The following SNX7 variants were observed in gnomAD, a reference collection of about 807,000 sequenced individuals.
The protein encoded by SNX7 is sorting nexin 7.
Under a neutral mutation model 48.4 loss-of-function variants are expected in SNX7, and 35 were observed. That is an observed-to-expected ratio of 0.72 (90% CI 0.55 to 0.96). The LOEUF (loss-of-function observed/expected upper bound fraction) is 0.96. SNX7 is among the 40% of genes least tolerant of loss of function. The pLI, the probability that SNX7 is intolerant of heterozygous loss-of-function variation, is 0.00. For missense variants in SNX7, 553 were observed against 548.9 expected (o/e 1.01, Z -0.07); for synonymous variants, 190 against 190.2 (o/e 1.00, Z 0.01).
chr1:98,702,479 GTC>G (rs2100977118), intron 7 of SNX7, among the ~76,000 whole-genome samples: 1 of 151,914 alleles, frequency 6.6e-6, no homozygotes, highest in East Asian at 1.9e-4. Flanking sequence ...TTTTTTTATT[GTC>G]TCTCCTCATT....
intron 7 of SNX7, among the ~76,000 whole-genome samples, chr1:98,712,445 A>G (rs1442694118): frequency 6.6e-6 from 1 of 152,230 alleles, no homozygotes; most frequent in East Asian, 1.9e-4. Flanking sequence ...CATTTCCGTC[A>G]GAGTTTTTCA....
chr1:98,678,438 G>T (rs1650294080), intron 1 of SNX7, among the ~76,000 whole-genome samples: 2 of 152,106 alleles, frequency 1.3e-5, no homozygotes, highest in South Asian at 4.1e-4. Context: ...AACTATATCA[G>T]TGTACATATG....
At chr1:98,690,242 A>C (rs1651039028) in intron 2 of SNX7, among the ~76,000 whole-genome samples, 1 of 152,102 alleles carries the variant, frequency 6.6e-6, no homozygotes, top group Non-Finnish European at 1.5e-5. Flanking sequence ...ATTCAGTTAA[A>C]TAAGGTATTG....
At chr1:98,740,308 C>T (rs557056367) in intron 8 of SNX7, among the ~76,000 whole-genome samples, 1 of 152,184 alleles carries the variant, frequency 6.6e-6, no homozygotes, top group African/African-American at 2.4e-5. Flanking sequence ...CCTTACCTCT[C>T]CTTTATAGTA....
intron 1 of SNX7, among the ~76,000 whole-genome samples, chr1:98,662,543 C>T (rs919270010): frequency 6.6e-6 from 1 of 151,996 alleles, no homozygotes; most frequent in African/African-American, 2.4e-5. Context: ...TTTTCCTTGC[C>T]CCCGGGAAAT....
In SNX7 at chr1:98,727,519, G is replaced by A. The variant is rs183918538; in HGVS notation, c.1126-10718G>A. Among the ~76,000 whole-genome samples, 24 of 152,230 alleles carry A rather than the reference G, an allele frequency of 1.6e-4. No individual in the cohort carries two copies. In the East Asian group the frequency reaches 4.7e-3, roughly 30 times the overall value. On this transcript the variant is annotated intron_variant, in intron 7 of 8. Transcript: ENST00000306121. ...AGCAAGGCCACAGAACTGGGCTGAG[G>A]CTGAGACGGATGAACTGACAGAAGT...
intron 7 of SNX7, among the ~76,000 whole-genome samples, chr1:98,707,557 A>C (rs907534664): frequency 5.9e-5 from 9 of 152,210 alleles, no homozygotes; most frequent in African/African-American, 2.2e-4. Flanking sequence ...GCTTAACTGT[A>C]AAATAAATAA....
At chr1:98,664,157 A>G (rs1445642971) in intron 1 of SNX7, among the ~76,000 whole-genome samples, 3 of 152,186 alleles carry the variant, frequency 2.0e-5, no homozygotes, top group Non-Finnish European at 2.9e-5. Context: ...GTAATTTGAG[A>G]TTGGCAAACT....
At chr1:98,698,209 G>A (rs1181388625) in intron 5 of SNX7, among the ~76,000 whole-genome samples, 1 of 152,114 alleles carries the variant, frequency 6.6e-6, no homozygotes, top group Non-Finnish European at 1.5e-5. Flanking sequence ...GATAGTTTAA[G>A]ATCTCGAAGT....
At chr1:98,703,958 G>T (rs932964073) in intron 7 of SNX7, among the ~76,000 whole-genome samples, 1 of 151,856 alleles carries the variant, frequency 6.6e-6, no homozygotes, top group Non-Finnish European at 1.5e-5. Context: ...GTTAAGAATG[G>T]CCTATATTCA....
intron 4 of SNX7, among the ~76,000 whole-genome samples, chr1:98,692,307 G>A (rs929252785): frequency 2.0e-5 from 3 of 152,048 alleles, no homozygotes; most frequent in African/African-American, 7.2e-5. Context: ...TATACCAACA[G>A]TATTCTACTG....
At chr1:98,732,792 A>G (rs190420049) in intron 7 of SNX7, among the ~76,000 whole-genome samples, 20 of 152,250 alleles carry the variant, frequency 1.3e-4, no homozygotes, top group African/African-American at 4.1e-4. Context: ...AAATGTTTTA[A>G]CAGTTTCCAA....
At chr1:98,691,763 G>A (rs1374324589) in intron 4 of SNX7, 64 bp downstream of exon 4, 13 of 1,273,874 alleles carry the variant, frequency 1.0e-5, no homozygotes, top group Non-Finnish European at 1.4e-5. Context: ...AGATTGTATT[G>A]TTCCTCTTGT....
intron 1 of SNX7, among the ~76,000 whole-genome samples, chr1:98,674,187 C>G (rs1032710161): frequency 3.9e-5 from 6 of 152,180 alleles, no homozygotes; most frequent in African/African-American, 1.4e-4. Context: ...AGCTTTGCCT[C>G]CATCCTCAAA....
At chr1:98,734,164 C>A (rs979612067) in intron 7 of SNX7, among the ~76,000 whole-genome samples, 4 of 152,012 alleles carry the variant, frequency 2.6e-5, no homozygotes, top group African/African-American at 9.7e-5. Flanking sequence ...CAGTCACTGC[C>A]TAGTGAATTA....
At chr1:98,694,340 A>G (rs911630419) in intron 4 of SNX7, among the ~76,000 whole-genome samples, 9 of 149,642 alleles carry the variant, frequency 6.0e-5, no homozygotes, top group Non-Finnish European at 8.9e-5. Flanking sequence ...ACTGCAGTCC[A>G]GCCTGGGCGA....
intron 7 of SNX7, among the ~76,000 whole-genome samples, chr1:98,725,732 A>G (rs536781872): frequency 6.6e-6 from 1 of 152,190 alleles, no homozygotes; most frequent in East Asian, 1.9e-4. Flanking sequence ...ACATTCCATA[A>G]TTTGCAAGAC....
intron 1 of SNX7, chr1:98,662,933 C>A: frequency 3.2e-6 from 3 of 932,234 alleles, no homozygotes; most frequent in Non-Finnish European, 2.8e-6. Context: ...ATTTCTACTT[C>A]GGTTTAAATG....
chr1:98,663,077 C>T (rs1242183456), intron 1 of SNX7, among the ~76,000 whole-genome samples: 2 of 152,018 alleles, frequency 1.3e-5, no homozygotes, highest in African/African-American at 4.8e-5. Context: ...TTTTATATTC[C>T]ACACATACTT....
Sources: gnomAD v4.1 joint callset for allele counts (sites outside exome capture counted in the v4.1 genomes callset) on GRCh38, gnomAD v4.1.1 for gene constraint, MANE v1.5 for transcripts, NCBI Gene and HGNC (gene_info 2026-07-23, HGNC 2026-07-21) for gene names.